The following ARHGEF10L variants were observed in gnomAD, a reference collection of about 807,000 sequenced individuals.
ARHGEF10L encodes Rho guanine nucleotide exchange factor 10 like, also known as rho guanine nucleotide exchange factor 10-like protein.
A neutral mutation model predicts 141.2 loss-of-function variants in ARHGEF10L; 69 were observed. The ratio of observed to expected loss-of-function variants is 0.49; its 90% CI spans 0.40 to 0.60. The LOEUF (loss-of-function observed/expected upper bound fraction) is 0.60. ARHGEF10L is among the 20% of genes least tolerant of loss of function. The pLI, the probability that ARHGEF10L is intolerant of heterozygous loss-of-function variation, is 0.00. For synonymous variants in ARHGEF10L, 711 were observed against 718.5 expected (o/e 0.99, Z 0.17); for missense variants, 1,482 against 1,734.3 (o/e 0.85, Z 2.58).
At chr1:17,559,214 C>G (rs1249863698) in intron 1 of ARHGEF10L, among the ~76,000 whole-genome samples, 1 of 152,200 alleles carries the variant, frequency 6.6e-6, no homozygotes, top group Non-Finnish European at 1.5e-5. Flanking sequence ...TAATATCAGT[C>G]CCTATCTCAT....
intron 23 of ARHGEF10L, among the ~76,000 whole-genome samples, chr1:17,655,480 T>TCTATCC (rs1557947899): frequency 9.0e-6 from 1 of 110,858 alleles, no homozygotes; most frequent in Non-Finnish European, 2.1e-5. Flanking sequence ...TCCATCCATC[T>TCTATCC]ATCCATCCAT....
chr1:17,622,865 G>C, intron 11 of ARHGEF10L, 131 bp from the exon 12 acceptor site: 1 of 894,934 alleles, frequency 1.1e-6, no homozygotes, highest in Non-Finnish European at 1.7e-6. Context: ...GGACGCATGA[G>C]GAGTGAGGGA....
chr1:17,535,001 G>T (rs2076554916), upstream of ARHGEF10L, among the ~76,000 whole-genome samples: 1 of 151,858 alleles, frequency 6.6e-6, no homozygotes, highest in East Asian at 1.9e-4. Flanking sequence ...GATGGTTTTG[G>T]GATGATTCAA....
chr1:17,655,475 CCA>C (rs1491417814), intron 23 of ARHGEF10L, among the ~76,000 whole-genome samples: 92 of 116,538 alleles, frequency 7.9e-4, no homozygotes, highest in Middle Eastern at 4.7e-3. Context: ...ATCCATCCAT[CCA>C]TCTATCCATC....
At chr1:17,642,372 G>C (rs2061374039) in intron 21 of ARHGEF10L, among the ~76,000 whole-genome samples, 1 of 152,242 alleles carries the variant, frequency 6.6e-6, no homozygotes, top group Non-Finnish European at 1.5e-5. Flanking sequence ...AGATGAAGGG[G>C]AGGGAGGTAG....
chr1:17,620,422 A>G (rs2060044948), intron 10 of ARHGEF10L, among the ~76,000 whole-genome samples: 1 of 152,208 alleles, frequency 6.6e-6, no homozygotes, highest in South Asian at 2.1e-4. Context: ...GCTGCTGAAC[A>G]TCCTACGAGG....
the ARHGEF10L span, among the ~76,000 whole-genome samples, chr1:17,533,016 G>T: frequency 6.6e-6 from 1 of 152,092 alleles, no homozygotes. Flanking sequence ...CCTTCATCCT[G>T]CACCAAGACA....
chr1:17,614,357 G>A (rs2059695582), intron 8 of ARHGEF10L, among the ~76,000 whole-genome samples: 2 of 152,202 alleles, frequency 1.3e-5, no homozygotes, highest in Admixed American at 1.3e-4. Flanking sequence ...GTCTAAGACT[G>A]GGCCTTTCCC....
chr1:17,678,257 G>A (rs1256887136), intron 26 of ARHGEF10L, among the ~76,000 whole-genome samples: 2 of 152,112 alleles, frequency 1.3e-5, no homozygotes, highest in African/African-American at 2.4e-5. Context: ...GTCCTAAAGT[G>A]TCGATGCTGG....
At chr1:17,569,668 C>T (rs2077909134) in intron 1 of ARHGEF10L, among the ~76,000 whole-genome samples, 1 of 152,184 alleles carries the variant, frequency 6.6e-6, no homozygotes, top group Admixed American at 6.5e-5. Flanking sequence ...GGCCTGCCAA[C>T]CTGGGACACC....
Position 17,696,889 on chromosome 1 carries a change from G to A in ARHGEF10L, c.3349G>A (p.Ala1117Thr), listed in dbSNP as rs759445908. 45 of 1,599,100 alleles carry A rather than the reference G, an allele frequency of 2.8e-5. No individual in the cohort carries two copies. The South Asian group carries it at 5.0e-4, about 18-fold the overall frequency. Residue 1117 changes from alanine (A) to threonine (T), a missense_variant, in exon 29 of 29, where the codon GCC (alanine) becomes ACC (threonine). Ala to Thr is a moderately conservative substitution (Grantham distance 58). Coordinates refer to ENST00000361221, the MANE Select transcript of ARHGEF10L (RefSeq NM_018125.4). ...ACTCAACGGGCACTGTGGGCCTGTG[G>A]CCTTCCTGGCTGTGGCTACCAGCAT... ...VSLNGHCGPV[A>T]FLAVATSILA...
chr1:17,635,287 C>T (rs2060933487), intron 18 of ARHGEF10L, among the ~76,000 whole-genome samples: 2 of 152,206 alleles, frequency 1.3e-5, no homozygotes, highest in Admixed American at 1.3e-4. Context: ...CCTGCTGTGC[C>T]AGCTACCTGG....
At chr1:17,694,795 G>A in intron 27 of ARHGEF10L, 4 of 399,314 alleles carry the variant, frequency 1.0e-5, no homozygotes, top group Middle Eastern at 8.4e-4. Flanking sequence ...CTGGCTGGCT[G>A]GATCCCTGCA....
intron 4 of ARHGEF10L, among the ~76,000 whole-genome samples, chr1:17,593,285 C>A (rs1182233340): frequency 1.3e-5 from 2 of 152,218 alleles, no homozygotes; most frequent in Non-Finnish European, 2.9e-5. Context: ...CAGTTTACAT[C>A]TCATTTTGAT....
chr1:17,678,955 G>T (rs560862648), intron 26 of ARHGEF10L, among the ~76,000 whole-genome samples: 11 of 152,198 alleles, frequency 7.2e-5, no homozygotes, highest in African/African-American at 2.7e-4. Flanking sequence ...AGTAAAAATA[G>T]TTAACGATCT....
chr1:17,574,955 C>T (rs1473659982), intron 1 of ARHGEF10L, among the ~76,000 whole-genome samples: 2 of 152,234 alleles, frequency 1.3e-5, no homozygotes, highest in African/African-American at 2.4e-5. Flanking sequence ...TCCATCTGTT[C>T]TCCCCTCCTC....
At chr1:17,679,026 A>G (rs2063908073) in intron 26 of ARHGEF10L, among the ~76,000 whole-genome samples, 1 of 152,224 alleles carries the variant, frequency 6.6e-6, no homozygotes, top group African/African-American at 2.4e-5. Context: ...ATGGATTGTT[A>G]AAGGAAATTT....
In ARHGEF10L at chr1:17,607,199, G is replaced by T. The variant is rs1557806232; in HGVS notation, c.434-603G>T. Among the ~76,000 whole-genome samples, 1 of 152,174 alleles carries T rather than the reference G, an allele frequency of 6.6e-6. No homozygotes were observed. Among genetic ancestry groups the T allele is most frequent in the Non-Finnish European group, 1.5e-5 (1 of 68,024 alleles). ...AGGCCACGTGTGGTGGCTCGGCTGG[G>T]TGTGGTGGCTCACGCCTGTAACCCT... is the stretch of plus-strand genomic sequence containing the variant. On this transcript the variant is annotated intron_variant, in intron 6 of 28. Transcript: ENST00000361221. This position sits in a 1 kb window ranked among gnomAD's most constrained non-coding sequence, Gnocchi z 4.5.
At chr1:17,556,056 GT>G (rs1284648180) in intron 1 of ARHGEF10L, among the ~76,000 whole-genome samples, 3 of 148,946 alleles carry the variant, frequency 2.0e-5, no homozygotes, top group East Asian at 2.0e-4. Flanking sequence ...GGAGCACGGG[GT>G]TGAGCCTGGG....
Sources: gnomAD v4.1 joint callset for allele counts (sites outside exome capture counted in the v4.1 genomes callset) on GRCh38, gnomAD v4.1.1 for gene constraint, Gnocchi (gnomAD v3.1) non-coding constraint, MANE v1.5 for transcripts, NCBI Gene and HGNC (gene_info 2026-07-23, HGNC 2026-07-21) for gene names.